Variants in TARS3 observed in about 807,000 individuals in gnomAD.
TARS3 encodes threonyl-tRNA synthetase 3, also known as threonine--tRNA ligase 2, cytoplasmic.
TARS3 carries 94 observed loss-of-function variants against 103.5 expected under a neutral mutation model. The observed-to-expected ratio is 0.91, with a 90% CI of 0.77 to 1.08. The LOEUF (loss-of-function observed/expected upper bound fraction) is 1.08. Ranked by LOEUF, TARS3 falls within the 50% of genes least tolerant of loss-of-function variation. The pLI is 0.00. For synonymous variants in TARS3, 416 were observed against 355.4 expected, an observed-to-expected ratio of 1.17 and a Z score of -1.92; for missense variants, 952 against 995.2, an observed-to-expected ratio of 0.96 and a Z score of 0.58.
chr15:101,688,722 T>A (rs1351013769), intron 10 of TARS3, among the ~76,000 whole-genome samples: 1 of 152,218 alleles, frequency 6.6e-6, no homozygotes, highest in Non-Finnish European at 1.5e-5. Flanking sequence ...AATGCTATAA[T>A]AAGTTAGAAT....
chr15:101,671,646 G>A (rs1346330356), intron 14 of TARS3, 25 bp downstream of exon 14: 3 of 1,613,070 alleles, frequency 1.9e-6, no homozygotes, highest in Non-Finnish European at 2.5e-6. Context: ...ACATTTTGCT[G>A]TTTTGAAGCA....
chr15:101,693,216 A>G (rs1898806113), intron 10 of TARS3, among the ~76,000 whole-genome samples: 1 of 152,206 alleles, frequency 6.6e-6, no homozygotes, highest in African/African-American at 2.4e-5. Flanking sequence ...AGACTGGGTA[A>G]TTTATGAAGG....
chr15:101,693,793 T>C (rs966635718), intron 10 of TARS3, among the ~76,000 whole-genome samples: 10 of 152,096 alleles, frequency 6.6e-5, no homozygotes, highest in Non-Finnish European at 1.3e-4. Flanking sequence ...AAGCGGTCAG[T>C]CTCTAAAGGT....
intron 7 of TARS3, among the ~76,000 whole-genome samples, chr15:101,704,564 A>C (rs967660136): frequency 3.3e-5 from 5 of 151,890 alleles, no homozygotes; most frequent in Admixed American, 6.6e-5. Flanking sequence ...CTGAGGCAGG[A>C]GAATCACTTG....
chr15:101,659,775 C>A (rs956234324), intron 16 of TARS3, among the ~76,000 whole-genome samples: 1 of 152,196 alleles, frequency 6.6e-6, no homozygotes, highest in African/African-American at 2.4e-5. Flanking sequence ...CATACCCATA[C>A]TTTTGGCTTA....
intron 12 of TARS3, among the ~76,000 whole-genome samples, chr15:101,680,688 T>A (rs1310219279): frequency 6.6e-6 from 1 of 152,236 alleles, no homozygotes; most frequent in Non-Finnish European, 1.5e-5. Flanking sequence ...ATTTGTTAAG[T>A]ATTCTGGATT....
intron 15 of TARS3, among the ~76,000 whole-genome samples, chr15:101,669,328 G>A (rs1897707100): frequency 6.6e-6 from 1 of 152,176 alleles, no homozygotes; most frequent in Non-Finnish European, 1.5e-5. Flanking sequence ...TTTAAGGTAA[G>A]TGCTATAATA....
intron 8 of TARS3, among the ~76,000 whole-genome samples, chr15:101,703,488 G>A (rs11247319): frequency 0.41 from 61,897 of 151,802 alleles, 13,794 homozygotes; most frequent in East Asian, 0.81. Context: ...TCCTCAGGAG[G>A]CTGGGGCAGG....
intron 13 of TARS3, among the ~76,000 whole-genome samples, chr15:101,672,534 G>A (rs769631594): frequency 4.6e-5 from 7 of 152,062 alleles, no homozygotes; most frequent in South Asian, 2.1e-4. Context: ...GGAGTGACGC[G>A]CCTCATGGGG....
At chr15:101,717,583 C>T (rs1322259286) in intron 3 of TARS3, among the ~76,000 whole-genome samples, 2 of 152,198 alleles carry the variant, frequency 1.3e-5, no homozygotes, top group African/African-American at 4.8e-5. Flanking sequence ...ACTTCTGTGT[C>T]TCATCATTAA....
At chr15:101,706,112 C>A (rs1899546411) in intron 6 of TARS3, among the ~76,000 whole-genome samples, 1 of 152,158 alleles carries the variant, frequency 6.6e-6, no homozygotes, top group Non-Finnish European at 1.5e-5. Context: ...AGGCATGTAC[C>A]ACCATGCCTG....
At position 101,653,938 on chromosome 15, in the gene TARS3, A is replaced by C. The variant is rs981589764; in HGVS notation, c.*644T>G. The C allele has an allele frequency of 6.6e-6, 1 of 152,316 alleles. No homozygotes were observed. Among genetic ancestry groups the C allele is most frequent in the Non-Finnish European group, 1.5e-5 (1 of 68,086 alleles). The allele number at this position is 152,316 out of a possible 1,614,324, so 9.4% of individuals were successfully genotyped here. A position where few individuals can be genotyped will look rare whatever the true frequency, so the allele number is the denominator to read the frequency against. ...CACAGCTGAAACGCTGGAAACACTG[A>C]TGCAATTCATTTGGGAATTTATTTT... On this transcript the variant is annotated 3_prime_UTR_variant, in exon 19 of 19. Transcript: ENST00000335968.
chr15:101,699,766 GA>G (rs201480382), intron 10 of TARS3, among the ~76,000 whole-genome samples: 1,902 of 152,298 alleles, frequency 0.012, 33 homozygotes, highest in African/African-American at 0.042. Flanking sequence ...AGAAGAAAAA[GA>G]CGGAGAACAA....
At chr15:101,682,848 T>C (rs1390484153) in intron 12 of TARS3, among the ~76,000 whole-genome samples, 2 of 152,208 alleles carry the variant, frequency 1.3e-5, no homozygotes, top group African/African-American at 2.4e-5. Flanking sequence ...CTACTTCTTC[T>C]TGAGTAAAGT....
At chr15:101,684,690 G>A (rs1285509667) in intron 11 of TARS3, among the ~76,000 whole-genome samples, 1 of 152,148 alleles carries the variant, frequency 6.6e-6, no homozygotes, top group African/African-American at 2.4e-5. Flanking sequence ...AGTTCCATGA[G>A]GGAATGGTTT....
intron 10 of TARS3, among the ~76,000 whole-genome samples, chr15:101,691,864 A>C (rs1430491194): frequency 1.5e-5 from 2 of 137,774 alleles, no homozygotes; most frequent in East Asian, 4.5e-4. Flanking sequence ...AGCACTGTTT[A>C]ATTCTCTGTG....
intron 10 of TARS3, among the ~76,000 whole-genome samples, chr15:101,692,208 TTAC>T (rs1489747917): frequency 6.6e-6 from 1 of 152,200 alleles, no homozygotes; most frequent in Non-Finnish European, 1.5e-5. Flanking sequence ...TGCTGTGGGT[TTAC>T]TCAGGTTCTG....
Position 101,654,353 on chromosome 15 carries a change from G to T in TARS3, c.*229C>A. On this transcript the variant is annotated 3_prime_UTR_variant, in exon 19 of 19. Transcript: ENST00000335968. ...ATATTTCCCCATTTAAGTTTCTCAAGGCATTGATTGCTGGAAAATTTCCCA... is the reference window on the plus strand; with the variant it reads ...ATATTTCCCCATTTAAGTTTCTCAATGCATTGATTGCTGGAAAATTTCCCA... The T allele has an allele frequency of 2.3e-6, 1 of 426,000 alleles. No homozygotes were observed. Among genetic ancestry groups the T allele is most frequent in the Non-Finnish European group, 4.1e-6 (1 of 244,600 alleles). 26.4% of individuals were successfully genotyped at this position (426,000 alleles called of 1,614,324 possible).
chr15:101,668,717 T>G (rs1245591230), intron 15 of TARS3, among the ~76,000 whole-genome samples: 1 of 152,170 alleles, frequency 6.6e-6, no homozygotes, highest in Non-Finnish European at 1.5e-5. Flanking sequence ...CGTCATGCAC[T>G]GCGTAACAGT....
Sources: allele counts gnomAD v4.1 joint callset (sites outside exome capture counted in the v4.1 genomes callset), GRCh38; gene constraint gnomAD v4.1.1; transcripts MANE v1.5; gene names NCBI Gene and HGNC (gene_info 2026-07-23, HGNC 2026-07-21).